The following ARHGAP21 variants were observed in gnomAD, a reference collection of about 807,000 sequenced individuals.
ARHGAP21 encodes the protein rho GTPase-activating protein 21.
Under a neutral mutation model 164.6 loss-of-function variants are expected in ARHGAP21, and 38 were observed. That is an observed-to-expected ratio of 0.23 (90% CI 0.18 to 0.30). ARHGAP21 has a LOEUF of 0.30. ARHGAP21 is among the 10% of genes least tolerant of loss of function. The probability of loss-of-function intolerance (pLI) is 1.00; values close to 1 mark genes in which losing one functional copy is unlikely to be tolerated. For missense variants in ARHGAP21, 1,822 were observed against 2,370.7 expected, an observed-to-expected ratio of 0.77 and a Z score of 4.81; for synonymous variants, 766 against 857.9, an observed-to-expected ratio of 0.89 and a Z score of 1.87.
chr10:24,628,346 T>G (rs907231694), intron 7 of ARHGAP21, among the ~76,000 whole-genome samples: 1 of 152,254 alleles, frequency 6.6e-6, no homozygotes, highest in Non-Finnish European at 1.5e-5. Flanking sequence ...CTTGAAAACA[T>G]GGGGTTAATC....
At chr10:24,686,880 T>C (rs1842263906) in intron 2 of ARHGAP21, among the ~76,000 whole-genome samples, 1 of 152,138 alleles carries the variant, frequency 6.6e-6, no homozygotes, top group Non-Finnish European at 1.5e-5. Flanking sequence ...TCAGTGTACT[T>C]TAAGGCTTAA....
rs549023302 is a variant in ARHGAP21 at position 24,651,965 on chromosome 10, T to C, written c.268+15020A>G. Among the ~76,000 whole-genome samples the C allele has an allele frequency of 7.2e-5, 11 of 152,332 alleles. No homozygotes were observed. In the East Asian group the frequency reaches 1.4e-3, roughly 19 times the overall value. The stretch of plus-strand genomic sequence containing the variant: ...TAAAGCCACATTAATTAAAATAGTG[T>C]TGTTTTGGTGCAAAGAAAGTGATCA... On this transcript the variant is annotated intron_variant, in intron 4 of 25. Coordinates refer to ENST00000396432, the MANE Select transcript of ARHGAP21 (RefSeq NM_020824.4).
chr10:24,618,530 G>A (rs1834212141), intron 9 of ARHGAP21, among the ~76,000 whole-genome samples: 1 of 152,142 alleles, frequency 6.6e-6, no homozygotes, highest in Non-Finnish European at 1.5e-5. Flanking sequence ...TAAGATCTTT[G>A]AGCAGAGACC....
rs902490971 is a variant in ARHGAP21 at position 24,684,858 on chromosome 10, C to T, written c.64-14461G>A. 6.6e-5 allele frequency among the ~76,000 whole-genome samples: 10 copies of T among 152,196 alleles called. No homozygotes were observed. The South Asian group carries it at 8.3e-4, about 13-fold the overall frequency. On this transcript the variant is annotated intron_variant, in intron 2 of 25. Transcript: ENST00000396432. ...TTCACCACGTTTGCCAGGCTGGTCTCGAACTCCTGATATCAGGTGATCCGC... is the reference window on the plus strand; with the variant it reads ...TTCACCACGTTTGCCAGGCTGGTCTTGAACTCCTGATATCAGGTGATCCGC...
chr10:24,692,468 T>C (rs1396866962), intron 2 of ARHGAP21, among the ~76,000 whole-genome samples: 2 of 152,242 alleles, frequency 1.3e-5, no homozygotes, highest in African/African-American at 4.8e-5. Flanking sequence ...TCTGTCTTCT[T>C]ATAAACCAGC....
At chr10:24,634,421 G>C (rs971133197) in intron 5 of ARHGAP21, among the ~76,000 whole-genome samples, 2 of 152,094 alleles carry the variant, frequency 1.3e-5, no homozygotes, top group African/African-American at 4.8e-5. Context: ...AAAGAAAAGA[G>C]TATTTTAGAG....
intron 22 of ARHGAP21, 54 bp from the exon 23 acceptor site, chr10:24,591,737 A>G: frequency 6.2e-7 from 1 of 1,604,030 alleles, no homozygotes; most frequent in Non-Finnish European, 8.5e-7. Context: ...AAATATACTG[A>G]GATCTTGGAG....
chr10:24,589,176 A>T, intron 25 of ARHGAP21, 95 bp downstream of exon 25: 1 of 1,030,404 alleles, frequency 9.7e-7, no homozygotes, highest in Non-Finnish European at 1.5e-6. Context: ...CTGTCTCATT[A>T]GACATAGAGA....
intron 2 of ARHGAP21, among the ~76,000 whole-genome samples, chr10:24,704,401 C>A (rs1424312099): frequency 1.3e-5 from 2 of 151,342 alleles, no homozygotes; most frequent in African/African-American, 4.9e-5. Flanking sequence ...GGTGATCCTC[C>A]CACCTCAGCC....
At chr10:24,643,774 T>C (rs781220360) in intron 4 of ARHGAP21, among the ~76,000 whole-genome samples, 22 of 152,212 alleles carry the variant, frequency 1.4e-4, no homozygotes, top group Admixed American at 9.2e-4. Flanking sequence ...TGATTTACAA[T>C]TTCCCAGTTC....
chr10:24,592,226 T>C (rs891386540), intron 21 of ARHGAP21, among the ~76,000 whole-genome samples: 7 of 145,572 alleles, frequency 4.8e-5, no homozygotes, highest in African/African-American at 1.8e-4. Flanking sequence ...TGCAGTGGCA[T>C]GATCACAGCT....
chr10:24,709,828 GA>G, intron 2 of ARHGAP21, among the ~76,000 whole-genome samples: 1 of 151,000 alleles, frequency 6.6e-6, no homozygotes, highest in South Asian at 2.1e-4. Context: ...GACGCACACA[GA>G]CACAGAAGTC....
intron 3 of ARHGAP21, 81 bp downstream of exon 3, chr10:24,670,137 G>A (rs913789494): frequency 3.5e-5 from 33 of 948,748 alleles, no homozygotes; most frequent in Middle Eastern, 3.8e-4. Context: ...AAGGCCATAG[G>A]GAAGGGTAAG....
chr10:24,611,578 C>T (rs1375058441), intron 9 of ARHGAP21, among the ~76,000 whole-genome samples: 2 of 152,068 alleles, frequency 1.3e-5, no homozygotes, highest in Non-Finnish European at 2.9e-5. Context: ...GTGGCACACA[C>T]TGGTAATCCC....
In ARHGAP21 at chr10:24,601,972, C is replaced by A; in HGVS notation, c.2847+6G>T. The A allele has an allele frequency of 6.4e-7, 1 of 1,570,500 alleles. No homozygotes were observed. Among genetic ancestry groups the A allele is most frequent in the Non-Finnish European group, 8.7e-7 (1 of 1,155,424 alleles). ...GACACTCAGGGTGGCTTAGAAAACA[C>A]ACTACCTTGCCCTTATCGGTGACAA... On this transcript the variant is annotated splice_donor_region_variant and intron_variant, in intron 13 of 25. Transcript: ENST00000396432.
In ARHGAP21 at chr10:24,585,974, T is replaced by C. The variant is rs201341804; in HGVS notation, c.4315A>G (p.Asn1439Asp). 5.2e-5 allele frequency: 84 copies of C among 1,614,088 alleles called. No homozygotes were observed. In the Middle Eastern group the frequency reaches 9.9e-4, roughly 19 times the overall value. The change falls in exon 26 of 26, where the codon AAT becomes GAT. Residue 1439 changes from asparagine to aspartate, a missense_variant. Physicochemically the swap from Asn to Asp is conservative, Grantham distance 23. This residue lies in a region of ARHGAP21 where 333 missense variants were observed against 383.9 expected (regional missense o/e 0.87). Coordinates refer to ENST00000396432, the MANE Select transcript of ARHGAP21 (RefSeq NM_020824.4). ...ACATTTTCTTTCTTAAAAAATACATTGTCCAGTTCATCTTCTGAGCTGCTA... is the reference window on the plus strand; with the variant it reads ...ACATTTTCTTTCTTAAAAAATACATCGTCCAGTTCATCTTCTGAGCTGCTA... Reference protein sequence around the residue: ...QPSSSEDELDNVFFKKENVEQ... With the variant: ...QPSSSEDELDDVFFKKENVEQ...
chr10:24,614,260 G>A (rs1365746789), intron 9 of ARHGAP21, among the ~76,000 whole-genome samples: 2 of 152,116 alleles, frequency 1.3e-5, no homozygotes, highest in Non-Finnish European at 2.9e-5. Flanking sequence ...ATAAAATAAA[G>A]AAGTTGGACT....
intron 4 of ARHGAP21, among the ~76,000 whole-genome samples, chr10:24,649,575 G>A (rs1479911348): frequency 6.6e-6 from 1 of 152,126 alleles, no homozygotes; most frequent in East Asian, 1.9e-4. Context: ...TGGATTTTTA[G>A]GCTAACTCAG....
chr10:24,677,628 G>A (rs1040640446), intron 2 of ARHGAP21, among the ~76,000 whole-genome samples: 11 of 152,134 alleles, frequency 7.2e-5, no homozygotes, highest in East Asian at 3.9e-4. Context: ...AGCCCCAAGC[G>A]ACTGCAAAAG....
Sources: gnomAD v4.1 joint callset for allele counts (sites outside exome capture counted in the v4.1 genomes callset) on GRCh38, gnomAD v4.1.1 for gene constraint, gnomAD v4.1.1 regional missense constraint, MANE v1.5 for transcripts, NCBI Gene and HGNC (gene_info 2026-07-23, HGNC 2026-07-21) for gene names.